The following PARD3B variants were observed in gnomAD, a reference collection of about 807,000 sequenced individuals.
The protein encoded by PARD3B is par-3 family cell polarity regulator beta.
PARD3B carries 103 observed loss-of-function variants against 130.2 expected under a neutral mutation model. The observed-to-expected ratio is 0.79, with a 90% confidence interval of 0.67 to 0.93. PARD3B has a LOEUF of 0.93. Ranked by LOEUF, PARD3B falls within the 40% of genes least tolerant of loss-of-function variation. The probability of loss-of-function intolerance (pLI) is 0.00; values close to 1 mark genes in which losing one functional copy is unlikely to be tolerated. For missense variants in PARD3B, 1,609 were observed against 1,499.2 expected (o/e 1.07, Z -1.21); for synonymous variants, 583 against 553.2 (o/e 1.05, Z -0.76).
intron 16 of PARD3B, among the ~76,000 whole-genome samples, chr2:205,278,388 C>T (rs546754661): frequency 2.5e-4 from 38 of 151,916 alleles, no homozygotes; most frequent in Admixed American, 1.6e-3. Context: ...GAGAACTGGA[C>T]GACTGATAGG....
At chr2:204,700,011 T>C (rs2037816740) in intron 2 of PARD3B, among the ~76,000 whole-genome samples, 3 of 152,242 alleles carry the variant, frequency 2.0e-5, no homozygotes, top group African/African-American at 7.2e-5. Context: ...AAAGTCTAGG[T>C]TGAAAACTTG....
At chr2:204,615,385 A>G (rs2125121147) in intron 1 of PARD3B, among the ~76,000 whole-genome samples, 1 of 152,272 alleles carries the variant, frequency 6.6e-6, no homozygotes, top group Non-Finnish European at 1.5e-5. Flanking sequence ...ATGAGTTTGT[A>G]ACTTGTTATA....
intron 4 of PARD3B, among the ~76,000 whole-genome samples, chr2:205,055,668 G>T (rs534933947): frequency 6.6e-6 from 1 of 152,210 alleles, no homozygotes; most frequent in South Asian, 2.1e-4. Context: ...TGTTCTTAGG[G>T]ACTTATCCAT....
chr2:205,136,019 G>A (rs1267619998), intron 10 of PARD3B, among the ~76,000 whole-genome samples: 5 of 151,986 alleles, frequency 3.3e-5, no homozygotes, highest in African/African-American at 7.3e-5. Context: ...AATCTGTCCC[G>A]GATGGCAGGA....
intron 2 of PARD3B, among the ~76,000 whole-genome samples, chr2:204,942,461 G>A (rs925180985): frequency 6.6e-6 from 1 of 152,058 alleles, no homozygotes; most frequent in Admixed American, 6.6e-5. Context: ...GACTCTGAGG[G>A]ACCACAAGCA....
intron 2 of PARD3B, among the ~76,000 whole-genome samples, chr2:204,732,663 C>G (rs2039569626): frequency 6.6e-6 from 1 of 152,056 alleles, no homozygotes; most frequent in South Asian, 2.1e-4. Context: ...TCACATCTCC[C>G]CCTTTAGAGA....
chr2:205,302,287 A>C (rs560219882), intron 18 of PARD3B, among the ~76,000 whole-genome samples: 121 of 151,460 alleles, frequency 8.0e-4, no homozygotes, highest in Admixed American at 2.0e-3. Flanking sequence ...AGGAGTCTTG[A>C]ACTCCTGACC....
intron 20 of PARD3B, among the ~76,000 whole-genome samples, chr2:205,497,815 C>T (rs1355117758): frequency 6.6e-6 from 1 of 152,080 alleles, no homozygotes; most frequent in Non-Finnish European, 1.5e-5. Context: ...AAGATGTTAT[C>T]AATTGAGTTA....
intron 2 of PARD3B, among the ~76,000 whole-genome samples, chr2:204,877,190 C>T (rs999549967): frequency 4.6e-5 from 7 of 151,832 alleles, no homozygotes; most frequent in South Asian, 2.1e-4. Flanking sequence ...GGGAACTGAA[C>T]AATGAGAACA....
intron 2 of PARD3B, among the ~76,000 whole-genome samples, chr2:204,833,048 A>C (rs2043889009): frequency 6.6e-6 from 1 of 152,200 alleles, no homozygotes; most frequent in Non-Finnish European, 1.5e-5. Context: ...AATTTATAAC[A>C]TTGAAAATAC....
At chr2:205,152,552 C>A (rs1180133332) in intron 10 of PARD3B, among the ~76,000 whole-genome samples, 1 of 152,176 alleles carries the variant, frequency 6.6e-6, no homozygotes, top group Non-Finnish European at 1.5e-5. Flanking sequence ...GAATCGGCTA[C>A]TGAAGCTTGT....
chr2:204,701,882 T>C (rs1315801948), intron 2 of PARD3B, among the ~76,000 whole-genome samples: 1 of 152,116 alleles, frequency 6.6e-6, no homozygotes, highest in East Asian at 1.9e-4. Context: ...GTTTGAACCC[T>C]TTCCCTTTTT....
intron 16 of PARD3B, among the ~76,000 whole-genome samples, chr2:205,251,410 A>C (rs1221554766): frequency 6.6e-6 from 1 of 152,174 alleles, no homozygotes. Flanking sequence ...TATGCAAGTT[A>C]CTACTTCAGC....
At chr2:205,539,606 GA>G (rs374002604) in intron 21 of PARD3B, among the ~76,000 whole-genome samples, 61,027 of 151,700 alleles carry the variant, frequency 0.4, 14,732 homozygotes, top group Middle Eastern at 0.64. Flanking sequence ...TGTCACAACT[GA>G]TGACCAGCTG....
chr2:205,022,006 T>C (rs1424629426), intron 3 of PARD3B, among the ~76,000 whole-genome samples: 1 of 152,162 alleles, frequency 6.6e-6, no homozygotes, highest in Non-Finnish European at 1.5e-5. Context: ...TTCAAACAAA[T>C]TCAGTTTTTT....
At chr2:204,957,692 G>A (rs948119463) in intron 2 of PARD3B, among the ~76,000 whole-genome samples, 7 of 152,076 alleles carry the variant, frequency 4.6e-5, no homozygotes, top group African/African-American at 9.7e-5. Flanking sequence ...GTTTAAAGTA[G>A]CATAAAAATT....
chr2:205,440,175 C>T lies in PARD3B; in HGVS notation c.2742-195C>T, dbSNP rs74498662. On this transcript the variant is annotated intron_variant, in intron 19 of 22. Transcript: ENST00000406610. This position sits in a 1 kb window ranked among gnomAD's most constrained non-coding sequence, Gnocchi z 4.2. ...TAGCATTGCTATCAAAGTAAAGACC[C>T]TGTAACAAATAAAGATCAGATATAT... is the stretch of plus-strand genomic sequence containing the variant. Among the ~76,000 whole-genome samples the T allele has an allele frequency of 0.028, 4,280 of 152,218 alleles. 190 individuals are homozygous for T. Among genetic ancestry groups the T allele is most frequent in the African/African-American group, 0.096 (3,979 of 41,518 alleles).
At position 205,021,426 on chromosome 2, in the gene PARD3B, T is replaced by G. The variant is rs1575572371; in HGVS notation, c.395-26155T>G. On this transcript the variant is annotated intron_variant, in intron 3 of 22. Transcript: ENST00000406610. The surrounding 1 kb of genome is among the most constrained non-coding windows in gnomAD (Gnocchi z 4.5). Reference sequence around the variant, plus strand: ...CATGCATTGGGACCACAGGTTATGGTGGCTCACATTTTAGGATTGACTTCC... The same window carrying G: ...CATGCATTGGGACCACAGGTTATGGGGGCTCACATTTTAGGATTGACTTCC... 6.6e-6 allele frequency among the ~76,000 whole-genome samples: 1 copy of G among 152,256 alleles called. No individual in the cohort carries two copies. Among genetic ancestry groups the G allele is most frequent in the Admixed American group, 6.5e-5 (1 of 15,276 alleles).
chr2:205,090,915 C>G (rs192486877), intron 4 of PARD3B, among the ~76,000 whole-genome samples: 5 of 152,180 alleles, frequency 3.3e-5, no homozygotes, highest in Non-Finnish European at 7.3e-5. Context: ...CAATTTCATC[C>G]TCTACCAGTT....
Sources: allele counts gnomAD v4.1 joint callset (sites outside exome capture counted in the v4.1 genomes callset), GRCh38; gene constraint gnomAD v4.1.1; non-coding constraint Gnocchi (gnomAD v3.1); transcripts MANE v1.5; gene names NCBI Gene and HGNC (gene_info 2026-07-23, HGNC 2026-07-21).